OPRL1: variants seen among roughly 807,000 people sequenced by gnomAD.
OPRL1 encodes the protein nociceptin receptor.
OPRL1 carries 5 observed loss-of-function variants against 15.5 expected under a neutral mutation model. The ratio of observed to expected loss-of-function variants is 0.32; its 90% CI spans 0.17 to 0.68. The LOEUF is 0.68. Among genes scored for constraint, OPRL1 ranks in the 30% least tolerant of loss-of-function variants. OPRL1 has a pLI of 0.72. For synonymous variants in OPRL1, 223 were observed against 230.2 expected, an observed-to-expected ratio of 0.97 and a Z score of 0.28; for missense variants, 406 against 515.3, an observed-to-expected ratio of 0.79 and a Z score of 2.05.
chr20:64,084,065 G>T lies in OPRL1; in HGVS notation c.-185+3713G>T, dbSNP rs555074600. The stretch of plus-strand genomic sequence containing the variant: ...GTGGCGCTGCGCAGGGAGCATGGCC[G>T]CCAGTCCCTGCGGCGTCAGGGCCCA... On this transcript the variant is annotated intron_variant, in intron 1 of 4. Coordinates refer to ENST00000336866, the MANE Select transcript of OPRL1 (RefSeq NM_182647.4). 38 of 1,497,172 alleles carry T rather than the reference G, an allele frequency of 2.5e-5. No homozygotes were observed. Among genetic ancestry groups the T allele is most frequent in the Non-Finnish European group, 2.8e-5 (32 of 1,133,326 alleles). The allele number at this position is 1,497,172 out of a possible 1,614,324, so 92.7% of individuals were successfully genotyped here.
Position 64,083,256 on chromosome 20 carries a change from T to G in OPRL1, c.-185+2904T>G. 1 of 869,288 alleles carries G rather than the reference T, an allele frequency of 1.2e-6. No homozygotes were observed. Among genetic ancestry groups the G allele is most frequent in the Non-Finnish European group, 1.7e-6 (1 of 576,318 alleles). The allele number at this position is 869,288 out of a possible 1,614,324, so 53.8% of individuals were successfully genotyped here. On this transcript the variant is annotated intron_variant, in intron 1 of 4. Transcript: ENST00000336866. This position sits in a 1 kb window ranked among gnomAD's most constrained non-coding sequence, Gnocchi z 4.9. The stretch of plus-strand genomic sequence containing the variant: ...CCCACCCACTTGCGTCTCCCCACTT[T>G]TTTGGGAGAGGCCCCACTCTCTGTA...
Position 64,098,807 on chromosome 20 carries a change from T to G in OPRL1, c.*8T>G. 6.3e-7 allele frequency: 1 copy of G among 1,580,694 alleles called. No individual in the cohort carries two copies. Among genetic ancestry groups the G allele is most frequent in the Non-Finnish European group, 8.6e-7 (1 of 1,169,264 alleles). On this transcript the variant is annotated 3_prime_UTR_variant, in exon 5 of 5. Transcript: ENST00000336866. ...GTACCGCGGCCCGCATGACTAGGCGTGGACCTGCCCATGGTGCCTGTCAGC... is the reference window on the plus strand; with the variant it reads ...GTACCGCGGCCCGCATGACTAGGCGGGGACCTGCCCATGGTGCCTGTCAGC...
intron 1 of OPRL1, among the ~76,000 whole-genome samples, chr20:64,091,616 G>C (rs1049073701): frequency 6.6e-6 from 1 of 152,276 alleles, no homozygotes; most frequent in Non-Finnish European, 1.5e-5. Flanking sequence ...GAGCCCAGCT[G>C]GGGGGTCCGG....
At chr20:64,086,415 G>C (rs1270534223) in intron 1 of OPRL1, 1 of 186,940 alleles carries the variant, frequency 5.3e-6, no homozygotes, top group African/African-American at 2.4e-5. Context: ...TTGCAGTTCT[G>C]CAAGAAGGGA....
At chr20:64,091,643 CT>C (rs1263255515) in intron 1 of OPRL1, among the ~76,000 whole-genome samples, 1 of 152,132 alleles carries the variant, frequency 6.6e-6, no homozygotes, top group Non-Finnish European at 1.5e-5. Flanking sequence ...CTGTCCAAGG[CT>C]GTGTCTCCGT....
rs764500099 is a variant in OPRL1, at chr20:64,098,907, G to A, written c.*108G>A. On this transcript the variant is annotated 3_prime_UTR_variant, in exon 5 of 5. Transcript: ENST00000336866. Reference sequence around the variant, plus strand: ...TCTAGGCGGACACACCCTGGGCCCTGAGCATCCAGAGCCTGGGATGGGCTT... The same window carrying A: ...TCTAGGCGGACACACCCTGGGCCCTAAGCATCCAGAGCCTGGGATGGGCTT... 1.4e-6 allele frequency: 2 copies of A among 1,387,468 alleles called. No individual in the cohort carries two copies. Among genetic ancestry groups the A allele is most frequent in the Admixed American group, 2.7e-5 (1 of 36,814 alleles). 85.9% of individuals were successfully genotyped at this position (1,387,468 alleles called of 1,614,324 possible). A position where few individuals can be genotyped will look rare whatever the true frequency, so the allele number is the denominator to read the frequency against.
At position 64,089,165 on chromosome 20, in the gene OPRL1, C is replaced by T. The variant is rs1256610614; in HGVS notation, c.-184-2801C>T. 1.3e-5 allele frequency among the ~76,000 whole-genome samples: 2 copies of T among 152,080 alleles called. No individual in the cohort carries two copies. The highest frequency in any genetic ancestry group is 2.9e-5 in the Non-Finnish European group (2 of 68,010). On this transcript the variant is annotated intron_variant, in intron 1 of 4. Transcript: ENST00000336866. The surrounding 1 kb of genome is among the most constrained non-coding windows in gnomAD (Gnocchi z 5.5). ...CAGGCACAAGGGAGGGAGAAGCTGT[C>T]CTGGGTTCTATGGTTATGAACATGT...
At chr20:64,088,392 G>A (rs1473477064) in intron 1 of OPRL1, among the ~76,000 whole-genome samples, 2 of 152,014 alleles carry the variant, frequency 1.3e-5, no homozygotes, top group Admixed American at 6.5e-5. Context: ...GTGGGGCCAG[G>A]ATCTGTGCAG....
At position 64,098,729 on chromosome 20, in the gene OPRL1, G is replaced by C; in HGVS notation, c.1043G>C (p.Arg348Pro). 1 of 1,611,560 alleles carries C rather than the reference G, an allele frequency of 6.2e-7. No homozygotes were observed. The highest frequency in any genetic ancestry group is 8.5e-7 in the Non-Finnish European group (1 of 1,179,964). ...CGCCGGGACGTGCAGGTGTCTGACC[G>C]CGTGCGCAGCATTGCCAAGGACGTG... ...ALRRDVQVSDRVRSIAKDVAL... is the reference protein window; with the variant it reads ...ALRRDVQVSDPVRSIAKDVAL... The change falls in exon 5 of 5, where the codon CGC (arginine) becomes CCC (proline). Residue 348 changes from arginine (R) to proline (P), a missense_variant. Transcript: ENST00000336866.
rs777886452 is a variant in OPRL1 at position 64,083,458 on chromosome 20, C to T, written c.-185+3106C>T. The T allele has an allele frequency of 1.9e-6, 3 of 1,609,172 alleles. No homozygotes were observed. Among genetic ancestry groups the T allele is most frequent in the Non-Finnish European group, 2.5e-6 (3 of 1,178,462 alleles). Reference sequence around the variant, plus strand: ...CGTCACCGCGGGAAGATGGTGCCATCCACGTTCTCCTCCAGGATGGTCTCC... The same window carrying T: ...CGTCACCGCGGGAAGATGGTGCCATTCACGTTCTCCTCCAGGATGGTCTCC... On this transcript the variant is annotated intron_variant, in intron 1 of 4. Transcript: ENST00000336866. The surrounding 1 kb of genome is among the most constrained non-coding windows in gnomAD (Gnocchi z 4.9).
chr20:64,082,032 T>A (rs2059973232), intron 1 of OPRL1, among the ~76,000 whole-genome samples: 1 of 152,170 alleles, frequency 6.6e-6, no homozygotes, highest in South Asian at 2.1e-4. Flanking sequence ...AAATAATATG[T>A]GATTCTCCCA....
At position 64,092,910 on chromosome 20, in the gene OPRL1, G is replaced by A. The variant is rs770079623; in HGVS notation, c.190G>A (p.Gly64Arg). Residue 64 changes from glycine to arginine, a missense_variant, in exon 3 of 5, where the codon GGA becomes AGA. Coordinates refer to ENST00000336866, the MANE Select transcript of OPRL1 (RefSeq NM_182647.4). ...IVGLYLAVCV[G>R]GLLGNCLVMY... The stretch of plus-strand genomic sequence containing the variant: ...GGGGCTCTACCTGGCCGTGTGTGTC[G>A]GAGGGCTCCTGGGGAACTGCCTTGT... 69 of 1,612,612 alleles carry A rather than the reference G, an allele frequency of 4.3e-5. No homozygotes were observed. Among genetic ancestry groups the A allele is most frequent in the Non-Finnish European group, 5.3e-5 (63 of 1,179,936 alleles).
chr20:64,087,094 G>A, intron 1 of OPRL1, among the ~76,000 whole-genome samples: 1 of 152,218 alleles, frequency 6.6e-6, no homozygotes, highest in Non-Finnish European at 1.5e-5. Flanking sequence ...GCTTTAATCT[G>A]TGGACACAAG....
At position 64,080,359 on chromosome 20, in the gene OPRL1, C is replaced by A. The variant is rs2059953465; in HGVS notation, c.-185+7C>A. On this transcript the variant is annotated splice_region_variant and intron_variant, in intron 1 of 4. Transcript: ENST00000336866. ...GCAAAGGACCGATCGGCGGGTACGC[C>A]AGCCCGGCCCACCCCTCGCCTCCGT... 1 of 152,248 alleles carries A rather than the reference C, an allele frequency of 6.6e-6. No homozygotes were observed. The highest frequency in any genetic ancestry group is 1.5e-5 in the Non-Finnish European group (1 of 68,076). The allele number at this position is 152,248 out of a possible 1,614,324, so 9.4% of individuals were successfully genotyped here.
intron 1 of OPRL1, among the ~76,000 whole-genome samples, chr20:64,086,217 T>C (rs1203132524): frequency 6.6e-6 from 1 of 152,220 alleles, no homozygotes; most frequent in Admixed American, 6.5e-5. Context: ...GGGCACTTTC[T>C]GGCTCTTGGC....
intron 1 of OPRL1, among the ~76,000 whole-genome samples, chr20:64,088,731 CAAGGGGTAGGATCT>C: frequency 1.0e-4 from 1 of 9,564 alleles, no homozygotes; most frequent in South Asian, 3.4e-3. Context: ...AGGATCTGTG[CAAGGGGTAGGATCT>C]GTGCAGAGTG....
intron 1 of OPRL1, 58 bp from the exon 2 acceptor site, chr20:64,091,907 CT>C (rs1287155798): frequency 6.6e-6 from 1 of 152,652 alleles, no homozygotes. Context: ...CCCCCACCTC[CT>C]CCAGCCTGCA....
At chr20:64,095,803 A>G (rs1230715444) in intron 3 of OPRL1, among the ~76,000 whole-genome samples, 4 of 151,858 alleles carry the variant, frequency 2.6e-5, no homozygotes, top group Non-Finnish European at 1.5e-5. Context: ...GGGACAGGGT[A>G]GTGGGGGTGT....
chr20:64,098,354 CCTT>C lies in OPRL1; in HGVS notation c.670_672del (p.Phe224del), dbSNP rs1176640289. 6.2e-7 allele frequency: 1 copy of C among 1,613,924 alleles called. No individual in the cohort carries two copies. Among genetic ancestry groups the C allele is most frequent in the Non-Finnish European group, 8.5e-7 (1 of 1,179,956 alleles). The stretch of plus-strand genomic sequence containing the variant: ...TTTGCCATCTGCATCTTCCTCTTCT[CCTT>C]CATCGTCCCCGTGCTCGTCATCTCT... On this transcript the variant is annotated inframe_deletion, in exon 5 of 5. Coordinates refer to ENST00000336866, the MANE Select transcript of OPRL1 (RefSeq NM_182647.4).
Sources: allele counts gnomAD v4.1 joint callset (sites outside exome capture counted in the v4.1 genomes callset), GRCh38; gene constraint gnomAD v4.1.1; non-coding constraint Gnocchi (gnomAD v3.1); transcripts MANE v1.5; gene names NCBI Gene and HGNC (gene_info 2026-07-23, HGNC 2026-07-21).